The following FHIT variants were observed in gnomAD, a reference collection of about 807,000 sequenced individuals.
FHIT encodes fragile histidine triad diadenosine triphosphatase, also known as bis(5'-adenosyl)-triphosphatase.
FHIT carries 19 observed loss-of-function variants against 17.9 expected under a neutral mutation model. That is an observed-to-expected ratio of 1.06 (90% CI 0.74 to 1.56). The LOEUF is 1.56. Ranked by LOEUF, FHIT falls within the 40% of genes most tolerant of loss-of-function variation. FHIT has a pLI of 0.00. For missense variants in FHIT, 248 were observed against 189.2 expected (o/e 1.31, Z -1.82); for synonymous variants, 81 against 69.7 (o/e 1.16, Z -0.81).
chr3:60,163,791 C>T (rs1701039952), intron 5 of FHIT, among the ~76,000 whole-genome samples: 1 of 152,188 alleles, frequency 6.6e-6, no homozygotes, highest in South Asian at 2.1e-4. Context: ...GTTCTGACAA[C>T]CAGAAATGCC....
At chr3:60,453,778 A>C (rs1359233393) in intron 5 of FHIT, among the ~76,000 whole-genome samples, 1 of 152,208 alleles carries the variant, frequency 6.6e-6, no homozygotes, top group African/African-American at 2.4e-5. Flanking sequence ...GCAGCTACCG[A>C]ATGATAATAA....
intron 3 of FHIT, among the ~76,000 whole-genome samples, chr3:60,997,566 G>A (rs926763014): frequency 6.6e-6 from 1 of 152,098 alleles, no homozygotes; most frequent in East Asian, 1.9e-4. Flanking sequence ...GCTCTAGTTT[G>A]CCAGTGTTCC....
intron 2 of FHIT, among the ~76,000 whole-genome samples, chr3:61,146,068 C>T (rs76166450): frequency 0.014 from 2,180 of 152,046 alleles, 58 homozygotes; most frequent in African/African-American, 0.049. Flanking sequence ...TTCAATTAAC[C>T]CTTCAGGCTG....
At chr3:59,929,474 G>A (rs1285578214) in intron 7 of FHIT, among the ~76,000 whole-genome samples, 1 of 143,782 alleles carries the variant, frequency 7.0e-6, no homozygotes, top group African/African-American at 2.6e-5. Context: ...AAGTTCAAGC[G>A]ATTCTCCTGA....
chr3:60,480,868 G>A (rs890671517), intron 5 of FHIT, among the ~76,000 whole-genome samples: 5 of 152,174 alleles, frequency 3.3e-5, no homozygotes, highest in African/African-American at 1.2e-4. Flanking sequence ...GCAAGCTGTT[G>A]GTGGATCTAC....
chr3:60,411,512 C>A (rs932942042), intron 5 of FHIT, among the ~76,000 whole-genome samples: 1 of 152,106 alleles, frequency 6.6e-6, no homozygotes, highest in Non-Finnish European at 1.5e-5. Context: ...ACAGCCACAG[C>A]TAATTACTAT....
intron 4 of FHIT, among the ~76,000 whole-genome samples, chr3:60,588,261 C>T (rs537581392): frequency 3.9e-5 from 6 of 151,996 alleles, no homozygotes; most frequent in Non-Finnish European, 5.9e-5. Context: ...CTCCCTATAT[C>T]CACTAAAGAT....
intron 4 of FHIT, among the ~76,000 whole-genome samples, chr3:60,719,810 C>T (rs1553707622): frequency 6.6e-6 from 1 of 152,122 alleles, no homozygotes; most frequent in Admixed American, 6.5e-5. Context: ...TTGAATCCAT[C>T]CTCAAGTCCT....
At chr3:61,039,611 C>T (rs947777675) in intron 3 of FHIT, among the ~76,000 whole-genome samples, 7 of 152,046 alleles carry the variant, frequency 4.6e-5, no homozygotes, top group Non-Finnish European at 7.4e-5. Context: ...GAACAGAAAA[C>T]CAAACACCAC....
chr3:60,162,352 A>C lies in FHIT; in HGVS notation c.104-148200T>G, dbSNP rs139929320. 6.1e-3 allele frequency among the ~76,000 whole-genome samples: 923 copies of C among 152,260 alleles called. 7 individuals carry two copies. The highest frequency in any genetic ancestry group is 0.021 in the African/African-American group (853 of 41,534). The stretch of plus-strand genomic sequence containing the variant: ...TGCCTATTTAAGTCCTTTATTACAG[A>C]AGAGGTAGAATATAGGCCAAATGCC... On this transcript the variant is annotated intron_variant, in intron 5 of 9. Coordinates refer to ENST00000492590, the MANE Select transcript of FHIT (RefSeq NM_002012.4).
At chr3:60,280,413 T>C (rs778948678) in intron 5 of FHIT, among the ~76,000 whole-genome samples, 5 of 152,196 alleles carry the variant, frequency 3.3e-5, no homozygotes, top group Non-Finnish European at 7.3e-5. Flanking sequence ...TAGCTGTAAC[T>C]AAATTAAGAA....
intron 5 of FHIT, among the ~76,000 whole-genome samples, chr3:60,312,620 C>A (rs187400597): frequency 6.6e-6 from 1 of 152,142 alleles, no homozygotes; most frequent in East Asian, 1.9e-4. Flanking sequence ...ACCTGAGATT[C>A]TGCATTTCCA....
chr3:59,752,393 T>G (rs945928779), intron 8 of FHIT, 72 bp from the exon 9 acceptor site: 90 of 1,187,648 alleles, frequency 7.6e-5, no homozygotes, highest in African/African-American at 1.1e-4. Flanking sequence ...TTCGGGGGGC[T>G]GGGGGAGACT....
At chr3:60,376,387 G>A (rs1021120600) in intron 5 of FHIT, among the ~76,000 whole-genome samples, 1 of 152,170 alleles carries the variant, frequency 6.6e-6, no homozygotes, top group Non-Finnish European at 1.5e-5. Flanking sequence ...CTGTTTACAA[G>A]GTGTGAACTT....
intron 2 of FHIT, among the ~76,000 whole-genome samples, chr3:61,083,421 T>A (rs2035207579): frequency 6.6e-6 from 1 of 152,094 alleles, no homozygotes. Context: ...AAACCCCGTC[T>A]CTACTAAAAA....
At chr3:61,183,807 G>C (rs1383051078) in intron 2 of FHIT, among the ~76,000 whole-genome samples, 1 of 151,346 alleles carries the variant, frequency 6.6e-6, no homozygotes, top group African/African-American at 2.4e-5. Context: ...CTGTTTGCCA[G>C]CATCAGGGTT....
intron 3 of FHIT, among the ~76,000 whole-genome samples, chr3:60,842,896 T>C (rs943424563): frequency 6.6e-6 from 1 of 151,952 alleles, no homozygotes; most frequent in African/African-American, 2.4e-5. Flanking sequence ...CCCCTTAAAA[T>C]TGTCAGGGGT....
At chr3:60,887,428 T>C (rs1553759512) in intron 3 of FHIT, among the ~76,000 whole-genome samples, 1 of 152,130 alleles carries the variant, frequency 6.6e-6, no homozygotes, top group Non-Finnish European at 1.5e-5. Flanking sequence ...GCAGATCATC[T>C]GAGGTCAGGA....
rs140829465 is a variant in FHIT, at chr3:60,292,109, C to T, written c.103+244751G>A. Reference sequence around the variant, plus strand: ...TGAGAGCCACCACTTGAAGCTGTGGCGCCAACCTTGCCAGGTGAACTGTTA... The same window carrying T: ...TGAGAGCCACCACTTGAAGCTGTGGTGCCAACCTTGCCAGGTGAACTGTTA... On this transcript the variant is annotated intron_variant, in intron 5 of 9. Transcript: ENST00000492590. Among the ~76,000 whole-genome samples, 560 of 152,146 alleles carry T rather than the reference C, an allele frequency of 3.7e-3. 1 individual carries two copies. The highest frequency in any genetic ancestry group is 8.6e-3 in the African/African-American group (357 of 41,508).
Sources: allele counts gnomAD v4.1 joint callset (sites outside exome capture counted in the v4.1 genomes callset), GRCh38; gene constraint gnomAD v4.1.1; transcripts MANE v1.5; gene names NCBI Gene and HGNC (gene_info 2026-07-23, HGNC 2026-07-21).